Variants in NXPH1 observed in about 807,000 individuals in gnomAD.
The protein encoded by NXPH1 is neurexophilin-1.
In NXPH1, 5 loss-of-function variants were observed where a neutral mutation model predicts 23.7. The observed-to-expected ratio is 0.21, with a 90% confidence interval of 0.11 to 0.44. NXPH1 has a LOEUF of 0.44. Ranked by LOEUF, NXPH1 falls within the 20% of genes least tolerant of loss-of-function variation. NXPH1 has a pLI of 0.99. For missense variants in NXPH1, 324 were observed against 321.6 expected (o/e 1.01, Z -0.06); for synonymous variants, 144 against 122.2 (o/e 1.18, Z -1.18).
At chr7:8,653,821 G>T (rs983185621) in intron 2 of NXPH1, among the ~76,000 whole-genome samples, 1 of 152,116 alleles carries the variant, frequency 6.6e-6, no homozygotes, top group African/African-American at 2.4e-5. Context: ...TATACCATTG[G>T]ACTTCATGCA....
chr7:8,636,313 A>G (rs1195084392), intron 2 of NXPH1, among the ~76,000 whole-genome samples: 2 of 152,188 alleles, frequency 1.3e-5, no homozygotes, highest in Non-Finnish European at 1.5e-5. Flanking sequence ...ATATTTAAAG[A>G]AATTTATCTG....
At chr7:8,483,972 T>A (rs1817117756) in intron 2 of NXPH1, among the ~76,000 whole-genome samples, 1 of 151,272 alleles carries the variant, frequency 6.6e-6, no homozygotes, top group Non-Finnish European at 1.5e-5. Context: ...CACCTTTTTT[T>A]TTTTTTTTTT....
At chr7:8,557,482 T>C (rs1320323427) in intron 2 of NXPH1, among the ~76,000 whole-genome samples, 1 of 151,604 alleles carries the variant, frequency 6.6e-6, no homozygotes, top group Non-Finnish European at 1.5e-5. Flanking sequence ...TTGCAATCCT[T>C]TTAATCTTGG....
At chr7:8,480,795 T>G (rs1251390725) in intron 2 of NXPH1, among the ~76,000 whole-genome samples, 1 of 152,172 alleles carries the variant, frequency 6.6e-6, no homozygotes, top group Admixed American at 6.6e-5. Flanking sequence ...GAAGGCAAAC[T>G]TCCCCCTCCC....
At chr7:8,549,336 C>G (rs2128619427) in intron 2 of NXPH1, among the ~76,000 whole-genome samples, 1 of 151,588 alleles carries the variant, frequency 6.6e-6, no homozygotes. Flanking sequence ...TTAAATCGTT[C>G]CTATTGGACT....
intron 2 of NXPH1, among the ~76,000 whole-genome samples, chr7:8,731,625 T>G (rs750187713): frequency 3.6e-4 from 55 of 152,156 alleles, no homozygotes; most frequent in Non-Finnish European, 7.4e-4. Context: ...CTGCCCCTGT[T>G]GGAGGGTGCC....
chr7:8,705,093 G>T (rs557838691), intron 2 of NXPH1, among the ~76,000 whole-genome samples: 1 of 152,140 alleles, frequency 6.6e-6, no homozygotes, highest in African/African-American at 2.4e-5. Context: ...TGGAGATTGT[G>T]CTTGTCCTGA....
intron 2 of NXPH1, among the ~76,000 whole-genome samples, chr7:8,646,676 C>A (rs1264219656): frequency 6.6e-6 from 1 of 151,874 alleles, no homozygotes; most frequent in African/African-American, 2.4e-5. Flanking sequence ...TATGTTTTTC[C>A]TATTCTATCA....
intron 2 of NXPH1, among the ~76,000 whole-genome samples, chr7:8,510,505 A>G (rs1299071725): frequency 1.3e-5 from 2 of 152,094 alleles, no homozygotes; most frequent in Non-Finnish European, 1.5e-5. Context: ...CAATTCTAGC[A>G]TTAGCCCCAC....
In NXPH1 at chr7:8,585,979, CATT is replaced by C. The variant is rs958608558; in HGVS notation, c.54+150215_54+150217del. Among the ~76,000 whole-genome samples, 11 of 152,252 alleles carry C rather than the reference CATT, an allele frequency of 7.2e-5. No individual in the cohort carries two copies. The East Asian group carries it at 1.2e-3, about 16-fold the overall frequency. The stretch of plus-strand genomic sequence containing the variant: ...TTCCATGGGAATGTTGGGGATAAAA[CATT>C]ATAGAAAGCTCAGTGTGGAACAGAC... On this transcript the variant is annotated intron_variant, in intron 2 of 2. Transcript: ENST00000405863.
chr7:8,483,400 G>C (rs1387071553), intron 2 of NXPH1, among the ~76,000 whole-genome samples: 2 of 151,868 alleles, frequency 1.3e-5, no homozygotes, highest in African/African-American at 4.8e-5. Flanking sequence ...GTGTGATCTT[G>C]GCTCACTGCA....
At chr7:8,473,282 C>T (rs145673346) in intron 2 of NXPH1, among the ~76,000 whole-genome samples, 5 of 152,084 alleles carry the variant, frequency 3.3e-5, no homozygotes, top group African/African-American at 4.8e-5. Context: ...CAAAAGCAGG[C>T]TGTATTATCT....
intron 2 of NXPH1, among the ~76,000 whole-genome samples, chr7:8,598,809 C>T (rs533030767): frequency 6.6e-6 from 1 of 152,178 alleles, no homozygotes; most frequent in South Asian, 2.1e-4. Flanking sequence ...TCAGTTACTC[C>T]TTTTTTCTCT....
At chr7:8,461,828 C>T (rs1186542248) in intron 2 of NXPH1, among the ~76,000 whole-genome samples, 3 of 33,390 alleles carry the variant, frequency 9.0e-5, no homozygotes, top group Non-Finnish European at 1.4e-4. Flanking sequence ...CAGAGCGAGA[C>T]TCCGTCTCAA....
chr7:8,472,058 T>C (rs1419436786), intron 2 of NXPH1, among the ~76,000 whole-genome samples: 1 of 151,998 alleles, frequency 6.6e-6, no homozygotes, highest in Non-Finnish European at 1.5e-5. Context: ...TAAGCCATTA[T>C]TTCATATCCC....
intron 2 of NXPH1, among the ~76,000 whole-genome samples, chr7:8,724,759 G>T (rs889197169): frequency 6.6e-6 from 1 of 152,154 alleles, no homozygotes; most frequent in African/African-American, 2.4e-5. Context: ...TCAGTTTTGT[G>T]TCTGATTAAC....
At chr7:8,658,006 C>T (rs769091953) in intron 2 of NXPH1, among the ~76,000 whole-genome samples, 18 of 152,086 alleles carry the variant, frequency 1.2e-4, no homozygotes, top group Non-Finnish European at 7.4e-5. Flanking sequence ...CCAGCCTGGG[C>T]AACAGAGCAA....
intron 2 of NXPH1, among the ~76,000 whole-genome samples, chr7:8,697,089 C>G (rs539082693): frequency 7.1e-6 from 1 of 141,094 alleles, no homozygotes; most frequent in Non-Finnish European, 1.5e-5. Context: ...GCCAGGGAGG[C>G]AGAGTTTGCA....
intron 2 of NXPH1, among the ~76,000 whole-genome samples, chr7:8,539,260 TA>T (rs1434682616): frequency 1.3e-5 from 2 of 151,708 alleles, no homozygotes; most frequent in East Asian, 3.9e-4. Context: ...GCTTGATAAA[TA>T]AAAAATATAA....
Sources: allele counts gnomAD v4.1 joint callset (sites outside exome capture counted in the v4.1 genomes callset), GRCh38; gene constraint gnomAD v4.1.1; transcripts MANE v1.5; gene names NCBI Gene and HGNC (gene_info 2026-07-23, HGNC 2026-07-21).